STK32B: variants seen among roughly 807,000 people sequenced by gnomAD.
STK32B encodes serine/threonine-protein kinase 32B.
Under a neutral mutation model 52.6 loss-of-function variants are expected in STK32B, and 43 were observed. That is an observed-to-expected ratio of 0.82 (90% CI 0.64 to 1.05). The LOEUF is 1.05. Ranked by LOEUF, STK32B falls within the 50% of genes least tolerant of loss-of-function variation. The probability of loss-of-function intolerance (pLI) is 0.00; values close to 1 mark genes in which losing one functional copy is unlikely to be tolerated. For missense variants in STK32B, 621 were observed against 534.6 expected (o/e 1.16, Z -1.59); for synonymous variants, 238 against 204.3 (o/e 1.17, Z -1.41).
chr4:5,387,902 C>T (rs1464060398), intron 4 of STK32B, among the ~76,000 whole-genome samples: 1 of 152,118 alleles, frequency 6.6e-6, no homozygotes, highest in Non-Finnish European at 1.5e-5. Flanking sequence ...CTGCCACATG[C>T]CCGGCTAATT....
chr4:5,479,399 G>A (rs929038644), intron 11 of STK32B, among the ~76,000 whole-genome samples: 4 of 152,148 alleles, frequency 2.6e-5, no homozygotes, highest in African/African-American at 9.7e-5. Flanking sequence ...GATTACAGGC[G>A]TGAGCCACCA....
intron 11 of STK32B, among the ~76,000 whole-genome samples, chr4:5,481,681 T>A (rs1028311040): frequency 2.6e-5 from 4 of 152,194 alleles, no homozygotes; most frequent in Admixed American, 6.5e-5. Flanking sequence ...CTGAATGGTA[T>A]TGCCTAGTTT....
chr4:5,130,556 C>T (rs6829097), intron 1 of STK32B, among the ~76,000 whole-genome samples: 9,219 of 152,130 alleles, frequency 0.061, 905 homozygotes, highest in African/African-American at 0.21. Flanking sequence ...AGGTTCACAC[C>T]AAGAGGACAC....
chr4:5,086,472 G>A (rs922025883), intron 1 of STK32B, among the ~76,000 whole-genome samples: 5 of 152,046 alleles, frequency 3.3e-5, no homozygotes, highest in African/African-American at 9.7e-5. Flanking sequence ...AGACACATGA[G>A]GTGCCATCAA....
chr4:5,265,729 C>G (rs1428720913), intron 3 of STK32B, among the ~76,000 whole-genome samples: 1 of 152,142 alleles, frequency 6.6e-6, no homozygotes, highest in South Asian at 2.1e-4. Context: ...TTTTCATTTT[C>G]TCCCTGTCAT....
intron 3 of STK32B, among the ~76,000 whole-genome samples, chr4:5,290,037 C>T (rs377765334): frequency 1.3e-5 from 2 of 151,970 alleles, no homozygotes; most frequent in African/African-American, 4.8e-5. Context: ...AGTAACCCCC[C>T]GTGTCTGTTG....
rs138903524 is a variant in STK32B, at chr4:5,061,734, A to C, written c.52+9819A>C. On this transcript the variant is annotated intron_variant, in intron 1 of 11. Transcript: ENST00000282908. Reference sequence around the variant, plus strand: ...TCTATGTTTCACACTTACTGCTAGAATGTAGCTCTGTGGTGTTCTTACCAA... The same window carrying C: ...TCTATGTTTCACACTTACTGCTAGACTGTAGCTCTGTGGTGTTCTTACCAA... Among the ~76,000 whole-genome samples the C allele has an allele frequency of 2.9e-3, 443 of 152,294 alleles. 1 individual carries two copies. Among genetic ancestry groups the C allele is most frequent in the Middle Eastern group, 6.8e-3 (2 of 294 alleles).
intron 2 of STK32B, among the ~76,000 whole-genome samples, chr4:5,158,795 T>A (rs927611976): frequency 6.6e-6 from 1 of 152,160 alleles, no homozygotes; most frequent in Non-Finnish European, 1.5e-5. Flanking sequence ...TCCCTCTTCT[T>A]ACAAGACACA....
intron 8 of STK32B, among the ~76,000 whole-genome samples, chr4:5,457,212 CTTTTTT>C (rs1230307057): frequency 1.7e-5 from 2 of 114,978 alleles, no homozygotes; most frequent in South Asian, 3.3e-4. Context: ...TTTTTTTTTT[CTTTTTT>C]TTTTTTTTTT....
chr4:5,208,712 G>C (rs906245101), intron 3 of STK32B, among the ~76,000 whole-genome samples: 3 of 152,016 alleles, frequency 2.0e-5, no homozygotes, highest in Admixed American at 6.6e-5. Flanking sequence ...CGGTAGTCTC[G>C]GGGTCTCTTA....
rs1720541286 is a variant in STK32B, at chr4:5,499,136, C to G, written c.*53C>G. ...CTGCACTCGTCTCTGCCCTGCCCACCCAGAGCCCCTCTTTGTGCCCTGATG... is the reference window on the plus strand; with the variant it reads ...CTGCACTCGTCTCTGCCCTGCCCACGCAGAGCCCCTCTTTGTGCCCTGATG... On this transcript the variant is annotated 3_prime_UTR_variant, in exon 12 of 12. Coordinates refer to ENST00000282908, the MANE Select transcript of STK32B (RefSeq NM_018401.3). 1.3e-6 allele frequency: 2 copies of G among 1,535,666 alleles called. No homozygotes were observed. The highest frequency in any genetic ancestry group is 3.8e-5 in the Admixed American group (2 of 53,216).
intron 4 of STK32B, among the ~76,000 whole-genome samples, chr4:5,360,711 C>T (rs1734487897): frequency 6.6e-6 from 1 of 152,144 alleles, no homozygotes; most frequent in Non-Finnish European, 1.5e-5. Context: ...GAGGCTGAGG[C>T]AGGAGAATCG....
intron 1 of STK32B, among the ~76,000 whole-genome samples, chr4:5,139,116 G>A (rs1716248958): frequency 6.6e-6 from 1 of 152,300 alleles, no homozygotes; most frequent in East Asian, 1.9e-4. Context: ...CAGAGCAGTG[G>A]CCATAGGGGT....
rs112616284 is a variant in STK32B at position 5,370,194 on chromosome 4, A to G, written c.435-28013A>G. Among the ~76,000 whole-genome samples, 791 of 152,318 alleles carry G rather than the reference A, an allele frequency of 5.2e-3. 5 individuals are homozygous for G. The highest frequency in any genetic ancestry group is 0.017 in the African/African-American group (713 of 41,570). ...CCGACCCTCAAAGAGTATATTAAGC[A>G]GAATTATATGGAGCAATTCATCATA... is the stretch of plus-strand genomic sequence containing the variant. On this transcript the variant is annotated intron_variant, in intron 4 of 11. Transcript: ENST00000282908.
chr4:5,208,959 A>G (rs567318324), intron 3 of STK32B, among the ~76,000 whole-genome samples: 1 of 152,294 alleles, frequency 6.6e-6, no homozygotes, highest in Non-Finnish European at 1.5e-5. Flanking sequence ...GTGATTCCTT[A>G]TTGCCTTCAG....
chr4:5,409,808 A>AT (rs1026905893), intron 5 of STK32B, among the ~76,000 whole-genome samples: 4 of 152,078 alleles, frequency 2.6e-5, no homozygotes, highest in Non-Finnish European at 5.9e-5. Flanking sequence ...CAGACAGATG[A>AT]TTTTTTAAGG....
chr4:5,165,521 C>T (rs966559712), intron 2 of STK32B, among the ~76,000 whole-genome samples: 1 of 152,176 alleles, frequency 6.6e-6, no homozygotes, highest in African/African-American at 2.4e-5. Context: ...CACAGCGATG[C>T]AGCCAGCTGA....
At chr4:5,167,172 G>A (rs1251544308) in intron 2 of STK32B, among the ~76,000 whole-genome samples, 2 of 152,076 alleles carry the variant, frequency 1.3e-5, no homozygotes, top group African/African-American at 2.4e-5. Context: ...AGCCTTCTCT[G>A]ACAGCTCCCA....
chr4:5,166,769 T>G (rs1044979826), intron 2 of STK32B, among the ~76,000 whole-genome samples: 1 of 152,150 alleles, frequency 6.6e-6, no homozygotes. Flanking sequence ...TCCCCCAGTT[T>G]GAGGTACTGT....
Sources: allele counts gnomAD v4.1 joint callset (sites outside exome capture counted in the v4.1 genomes callset), GRCh38; gene constraint gnomAD v4.1.1; transcripts MANE v1.5; gene names NCBI Gene and HGNC (gene_info 2026-07-23, HGNC 2026-07-21).